SNX30: variants seen among roughly 807,000 people sequenced by gnomAD.
SNX30 encodes the protein sorting nexin-30.
SNX30 carries 24 observed loss-of-function variants against 46.4 expected under a neutral mutation model. The observed-to-expected ratio is 0.52, with a 90% confidence interval of 0.37 to 0.73. SNX30 has a LOEUF of 0.73. SNX30 is among the 30% of genes least tolerant of loss of function. The pLI, the probability that SNX30 is intolerant of heterozygous loss-of-function variation, is 0.00. For synonymous variants in SNX30, 189 were observed against 211.5 expected (o/e 0.89, Z 0.92); for missense variants, 533 against 555.7 (o/e 0.96, Z 0.41).
chr9:112,813,401 C>T (rs1188532951), intron 2 of SNX30, among the ~76,000 whole-genome samples: 3 of 151,876 alleles, frequency 2.0e-5, no homozygotes, highest in African/African-American at 4.8e-5. Context: ...ATTGCCTGAG[C>T]CCAGGAGTTT....
intron 1 of SNX30, among the ~76,000 whole-genome samples, chr9:112,794,711 C>T (rs1269530119): frequency 6.6e-6 from 1 of 152,162 alleles, no homozygotes; most frequent in Non-Finnish European, 1.5e-5. Context: ...CCACTCTCTT[C>T]ATAAATCATA....
At chr9:112,827,244 A>G (rs538076510) in intron 3 of SNX30, among the ~76,000 whole-genome samples, 1 of 152,354 alleles carries the variant, frequency 6.6e-6, no homozygotes, top group African/African-American at 2.4e-5. Context: ...ACCCTGTGGT[A>G]GGAATCATTC....
intron 1 of SNX30, among the ~76,000 whole-genome samples, chr9:112,761,264 G>T (rs1839431499): frequency 6.6e-6 from 1 of 152,190 alleles, no homozygotes; most frequent in African/African-American, 2.4e-5. Flanking sequence ...CTGTGTTCAA[G>T]CGATTCTCCT....
At chr9:112,779,526 C>T (rs558467055) in intron 1 of SNX30, among the ~76,000 whole-genome samples, 120 of 152,222 alleles carry the variant, frequency 7.9e-4, no homozygotes, top group African/African-American at 2.8e-3. Context: ...TGAAACCCGT[C>T]TCTACTAAAA....
At chr9:112,834,336 A>G (rs1007641997) in intron 4 of SNX30, among the ~76,000 whole-genome samples, 1 of 152,106 alleles carries the variant, frequency 6.6e-6, no homozygotes, top group Non-Finnish European at 1.5e-5. Context: ...CAAGCCTCCA[A>G]AACTTCTGAC....
chr9:112,805,569 A>G (rs531644932), intron 2 of SNX30, among the ~76,000 whole-genome samples: 140 of 152,336 alleles, frequency 9.2e-4, no homozygotes, highest in African/African-American at 2.9e-3. Flanking sequence ...CCTGGGTTCA[A>G]GCAATTCTCT....
intron 7 of SNX30, among the ~76,000 whole-genome samples, chr9:112,860,916 A>G (rs934984370): frequency 6.6e-6 from 1 of 152,232 alleles, no homozygotes; most frequent in Admixed American, 6.5e-5. Context: ...GCCAGGCACA[A>G]GTGTGTCACA....
Position 112,785,486 on chromosome 9 carries a change from C to T in SNX30, c.157-19290C>T, listed in dbSNP as rs147680152. ...GCAACCTCTGCCTCCCTGGTTCAAGCGATTCTCATGCCTTAGCCTCCTGAG... is the reference window on the plus strand; with the variant it reads ...GCAACCTCTGCCTCCCTGGTTCAAGTGATTCTCATGCCTTAGCCTCCTGAG... On this transcript the variant is annotated intron_variant, in intron 1 of 8. Transcript: ENST00000374232. Among the ~76,000 whole-genome samples the T allele has an allele frequency of 4.2e-4, 64 of 151,772 alleles. No individual in the cohort carries two copies. In the East Asian group the frequency reaches 0.012, roughly 28 times the overall value.
chr9:112,852,835 C>G (rs1214631914), intron 7 of SNX30, among the ~76,000 whole-genome samples: 1 of 152,162 alleles, frequency 6.6e-6, no homozygotes, highest in African/African-American at 2.4e-5. Context: ...GGTTTGACAT[C>G]AGAGCTGCTG....
intron 7 of SNX30, among the ~76,000 whole-genome samples, chr9:112,855,595 A>G (rs942911911): frequency 2.0e-5 from 3 of 152,048 alleles, no homozygotes; most frequent in Non-Finnish European, 4.4e-5. Context: ...GGGGAGTCCT[A>G]GGACGTCTTG....
intron 3 of SNX30, among the ~76,000 whole-genome samples, chr9:112,828,379 T>G (rs1462320502): frequency 6.6e-6 from 1 of 152,116 alleles, no homozygotes; most frequent in African/African-American, 2.4e-5. Flanking sequence ...ATCGCCTCGG[T>G]GTGTAGTAGC....
chr9:112,836,838 A>C lies in SNX30; in HGVS notation c.814+429A>C, dbSNP rs541688616. Among the ~76,000 whole-genome samples, 10 of 152,302 alleles carry C rather than the reference A, an allele frequency of 6.6e-5. No homozygotes were observed. In the South Asian group the frequency reaches 1.9e-3, roughly 28 times the overall value. ...TTTGCCAAAGTTATGACCCTGATGAATCTTCAGACTTGTAATTGACTCACC... is the reference window on the plus strand; with the variant it reads ...TTTGCCAAAGTTATGACCCTGATGACTCTTCAGACTTGTAATTGACTCACC... On this transcript the variant is annotated intron_variant, in intron 5 of 8. Transcript: ENST00000374232.
chr9:112,765,567 G>A (rs1426317194), intron 1 of SNX30, among the ~76,000 whole-genome samples: 2 of 151,992 alleles, frequency 1.3e-5, no homozygotes, highest in African/African-American at 4.8e-5. Context: ...TTCGTGCCTG[G>A]CTTCTTTCAG....
intron 1 of SNX30, among the ~76,000 whole-genome samples, chr9:112,795,864 A>T (rs946040696): frequency 6.6e-6 from 1 of 152,140 alleles, no homozygotes; most frequent in South Asian, 2.1e-4. Context: ...TAAGTTTGAT[A>T]TATAAATAAA....
intron 3 of SNX30, among the ~76,000 whole-genome samples, chr9:112,819,908 T>G (rs1588127103): frequency 1.3e-5 from 2 of 152,232 alleles, no homozygotes; most frequent in East Asian, 3.9e-4. Context: ...GTCAGCTTTC[T>G]TCACTGTACA....
At chr9:112,761,491 G>A (rs1261999169) in intron 1 of SNX30, among the ~76,000 whole-genome samples, 1 of 152,148 alleles carries the variant, frequency 6.6e-6, no homozygotes, top group Non-Finnish European at 1.5e-5. Context: ...AGGGGGATGT[G>A]TGATCAGGGC....
chr9:112,769,451 A>C (rs928483828), intron 1 of SNX30, among the ~76,000 whole-genome samples: 1 of 152,226 alleles, frequency 6.6e-6, no homozygotes, highest in Non-Finnish European at 1.5e-5. Context: ...CTGTGGGTGC[A>C]GCCATGTCCA....
At chr9:112,848,047 A>C (rs1840966179) in intron 6 of SNX30, among the ~76,000 whole-genome samples, 1 of 152,184 alleles carries the variant, frequency 6.6e-6, no homozygotes, top group Non-Finnish European at 1.5e-5. Flanking sequence ...GGGCAGAAGC[A>C]GGGTGGGGAA....
intron 7 of SNX30, among the ~76,000 whole-genome samples, chr9:112,861,969 C>T (rs1841244853): frequency 6.6e-6 from 1 of 152,214 alleles, no homozygotes; most frequent in Admixed American, 6.5e-5. Context: ...TAGGCATGTT[C>T]CTGTTTCTTC....
Sources: gnomAD v4.1 joint callset for allele counts (sites outside exome capture counted in the v4.1 genomes callset) on GRCh38, gnomAD v4.1.1 for gene constraint, MANE v1.5 for transcripts, NCBI Gene and HGNC (gene_info 2026-07-23, HGNC 2026-07-21) for gene names.